The following TTC14 variants were observed in gnomAD, a reference collection of about 807,000 sequenced individuals.
TTC14 encodes tetratricopeptide repeat protein 14.
A neutral mutation model predicts 79.9 loss-of-function variants in TTC14; 63 were observed. That is an observed-to-expected ratio of 0.79 (90% CI 0.64 to 0.97). The LOEUF (loss-of-function observed/expected upper bound fraction) is 0.97, where lower values mean the gene tolerates loss of function less well. TTC14 is among the 50% of genes least tolerant of loss of function. TTC14 has a pLI of 0.00. For synonymous variants in TTC14, 335 were observed against 309.6 expected, an observed-to-expected ratio of 1.08 and a Z score of -0.86; for missense variants, 895 against 894.0, an observed-to-expected ratio of 1.00 and a Z score of -0.01.
In TTC14 at chr3:180,606,344, G is replaced by A. The variant is rs775132152; in HGVS notation, c.1021G>A (p.Val341Met). The change falls in exon 8 of 12, where the codon GTG becomes ATG. Residue 341 changes from valine (V) to methionine (M), a missense_variant. Transcript: ENST00000296015. The stretch of plus-strand genomic sequence containing the variant: ...AGCTTTGGAAATAGACAAACAAAAC[G>A]TGGAAGCTTTGGTAGCTCGTGGAGC... ...NKALEIDKQN[V>M]EALVARGALY... The A allele has an allele frequency of 8.6e-5, 138 of 1,613,962 alleles. No individual in the cohort carries two copies. The highest frequency in any genetic ancestry group is 1.0e-4 in the Non-Finnish European group (123 of 1,179,966).
Position 180,604,552 on chromosome 3 carries a change from C to CT in TTC14, c.647dup (p.Ser217IlefsTer4), listed in dbSNP as rs746193563. The CT allele has an allele frequency of 6.2e-7, 1 of 1,611,036 alleles. No individual in the cohort carries two copies. The highest frequency in any genetic ancestry group is 1.7e-5 in the Admixed American group (1 of 59,874). Reference sequence around the variant, plus strand: ...GTATAGCTCTTCTCTTCCACCACACCTATCTGGTATTAAATTAGGTGTAAT... The same window carrying CT: ...GTATAGCTCTTCTCTTCCACCACACCTTATCTGGTATTAAATTAGGTGTAAT... On this transcript the variant is annotated frameshift_variant, in exon 5 of 12. Transcript: ENST00000296015. LOFTEE classifies it high-confidence loss of function.
chr3:180,610,424 T>A lies in TTC14; in HGVS notation c.2195T>A (p.Leu732Gln), dbSNP rs1190754200. The A allele has an allele frequency of 1.2e-6, 2 of 1,613,666 alleles. No homozygotes were observed. The highest frequency in any genetic ancestry group is 1.7e-6 in the Non-Finnish European group (2 of 1,179,866). ...IKTEVPEEDA[L>Q]SSKEHSESSV... ...ACAGAGGTTCCAGAAGAAGATGCAC[T>A]AAGTAGCAAAGAACACTCAGAAAGC... The change falls in exon 12 of 12, where the codon CTA becomes CAA. Residue 732 changes from leucine (L) to glutamine (Q), a missense_variant. Leu to Gln is a moderately radical substitution (Grantham distance 113, BLOSUM62 -2). Coordinates refer to ENST00000296015, the MANE Select transcript of TTC14 (RefSeq NM_133462.4).
At chr3:180,604,668 A>T in intron 5 of TTC14, 61 bp downstream of exon 5, 1 of 1,526,176 alleles carries the variant, frequency 6.6e-7, no homozygotes, top group Non-Finnish European at 8.8e-7. Context: ...ATTGAGGAAT[A>T]CCACATTTTT....
At chr3:180,605,275 G>GT (rs919646630) in intron 6 of TTC14, 20 of 281,204 alleles carry the variant, frequency 7.1e-5, no homozygotes, top group Non-Finnish European at 1.2e-4. Context: ...GGGTTTTTTT[G>GT]TTTTTTGTTT....
Position 180,616,670 on chromosome 3 carries a change from C to T in TTC14, c.1775-710C>T, listed in dbSNP as rs61733583. The stretch of plus-strand genomic sequence containing the variant: ...TTCATCTTTTGTGTCTTTCAAAAGA[C>T]GGATTTCCTTTGTGAGTTTTGCACA... On this transcript the variant is annotated intron_variant, in intron 12 of 12. Transcript: ENST00000382584. 5.0e-3 allele frequency: 7,936 copies of T among 1,590,776 alleles called. 77 individuals carry two copies. Among genetic ancestry groups the T allele is most frequent in the East Asian group, 0.045 (1,986 of 44,278 alleles).
chr3:180,602,231 C>G lies in TTC14; in HGVS notation c.-31C>G. ...GACACGGAACAGGGAACTATCAGCC[C>G]GTCGGCCTCCGGGCCCTGCATTCTC... On this transcript the variant is annotated 5_prime_UTR_variant, in exon 1 of 12. Transcript: ENST00000296015. 4 of 1,610,722 alleles carry G rather than the reference C, an allele frequency of 2.5e-6. No individual in the cohort carries two copies. The highest frequency in any genetic ancestry group is 3.4e-6 in the Non-Finnish European group (4 of 1,178,408).
chr3:180,605,639 A>T, intron 6 of TTC14, 127 bp from the exon 7 acceptor site: 1 of 645,878 alleles, frequency 1.5e-6, no homozygotes, highest in Non-Finnish European at 2.6e-6. Flanking sequence ...TTTGGTATGT[A>T]AATAGAATGC....
chr3:180,606,234 T>G lies in TTC14; in HGVS notation c.930-19T>G, dbSNP rs774840354. On this transcript the variant is annotated intron_variant, in intron 7 of 11. Transcript: ENST00000296015. ...TATTGTTTGAAGTGTTTGTGATGCT[T>G]TACAAATGTCTTTTTTAGTGTGAAG... The G allele has an allele frequency of 3.1e-6, 5 of 1,612,896 alleles. 1 individual carries two copies. In the Admixed American group the frequency reaches 6.7e-5, roughly 22 times the overall value.
downstream of TTC14, among the ~76,000 whole-genome samples, chr3:180,612,893 A>G (rs539609139): frequency 6.6e-6 from 1 of 152,340 alleles, no homozygotes; most frequent in Admixed American, 6.5e-5. Context: ...AATTCAGCAA[A>G]CCAAATCACC....
At chr3:180,615,563 G>A (rs1303804593), downstream of TTC14, among the ~76,000 whole-genome samples, 1 of 152,036 alleles carries the variant, frequency 6.6e-6, no homozygotes, top group Non-Finnish European at 1.5e-5. Flanking sequence ...TTTTATGAAA[G>A]TACAGGGATG....
In TTC14 at chr3:180,607,718, T is replaced by G; in HGVS notation, c.1243T>G (p.Phe415Val). ...GAAAGCTTTGGCTTTGGATGAGACT[T>G]TTAAAGATGCAGAGGATGCTTTGCA... Reference protein sequence around the residue: ...YKKALALDETFKDAEDALQKL... With the variant: ...YKKALALDETVKDAEDALQKL... The change falls in exon 10 of 12, where the codon TTT (phenylalanine) becomes GTT (valine). Residue 415 changes from phenylalanine (F) to valine (V), a missense_variant. Coordinates refer to ENST00000296015, the MANE Select transcript of TTC14 (RefSeq NM_133462.4). The G allele has an allele frequency of 6.2e-7, 1 of 1,612,506 alleles. No individual in the cohort carries two copies. The highest frequency in any genetic ancestry group is 8.5e-7 in the Non-Finnish European group (1 of 1,179,306).
At chr3:180,605,218 C>T (rs1329362011) in intron 6 of TTC14, 2 of 398,562 alleles carry the variant, frequency 5.0e-6, no homozygotes, top group East Asian at 3.8e-5. Flanking sequence ...GAGAAGGATG[C>T]AGAAACTTTT....
chr3:180,611,032 T>C lies in TTC14; in HGVS notation c.*490T>C. On this transcript the variant is annotated 3_prime_UTR_variant, in exon 12 of 12. Coordinates refer to ENST00000296015, the MANE Select transcript of TTC14 (RefSeq NM_133462.4). Reference sequence around the variant, plus strand: ...TATATTTATCAGTTTAAATATTACATTTTTTGCCCAATTTTTTTTAAAATT... The same window carrying C: ...TATATTTATCAGTTTAAATATTACACTTTTTGCCCAATTTTTTTTAAAATT... 2 of 943,856 alleles carry C rather than the reference T, an allele frequency of 2.1e-6. No homozygotes were observed. The highest frequency in any genetic ancestry group is 2.5e-6 in the Non-Finnish European group (2 of 792,072). The allele number at this position is 943,856 out of a possible 1,614,324, so 58.5% of individuals were successfully genotyped here. A position where few individuals can be genotyped will look rare whatever the true frequency, so the allele number is the denominator to read the frequency against.
chr3:180,608,065 A>C, intron 10 of TTC14: 1 of 1,068,140 alleles, frequency 9.4e-7, no homozygotes, highest in Non-Finnish European at 1.1e-6. Context: ...ACTATAATTG[A>C]GCTAATTATA....
chr3:180,607,155 C>G (rs1716743544), intron 9 of TTC14, among the ~76,000 whole-genome samples: 1 of 152,146 alleles, frequency 6.6e-6, no homozygotes, highest in South Asian at 2.1e-4. Flanking sequence ...TTTGCAACAT[C>G]TTTTGACTGC....
chr3:180,604,415 A>AT (rs1716558993), intron 4 of TTC14, 63 bp from the exon 5 acceptor site: 1 of 1,550,218 alleles, frequency 6.5e-7, no homozygotes, highest in East Asian at 2.3e-5. Flanking sequence ...GAAAGTTTAT[A>AT]TTTTTTATGT....
At position 180,606,262 on chromosome 3, in the gene TTC14, C is replaced by A. The variant is rs201415238; in HGVS notation, c.939C>A (p.Ile313=). 1 of 1,613,802 alleles carries A rather than the reference C, an allele frequency of 6.2e-7. No individual in the cohort carries two copies. The highest frequency in any genetic ancestry group is 1.1e-5 in the South Asian group (1 of 91,048). ...CAAATGTCTTTTTTAGTGTGAAGAT[C>A]GGAGTTGACTATTTTAAAGTTGGAC... ...SASWALKCVK[I]GVDYFKVGRH... Residue 313 remains isoleucine (I), a synonymous_variant, in exon 8 of 12, where the codon ATC becomes ATA. Coordinates refer to ENST00000296015, the MANE Select transcript of TTC14 (RefSeq NM_133462.4).
intron 6 of TTC14, chr3:180,605,300 G>A (rs919250888): frequency 3.2e-5 from 7 of 217,378 alleles, no homozygotes; most frequent in Admixed American, 1.1e-4. Flanking sequence ...TTTTTGAGTC[G>A]GAGTCTCACT....
At chr3:180,607,574 GC>G in intron 9 of TTC14, 73 bp from the exon 10 acceptor site, 1 of 1,490,932 alleles carries the variant, frequency 6.7e-7, no homozygotes, top group Non-Finnish European at 8.9e-7. Context: ...TCTCATATAA[GC>G]CTTTGACCTG....
Sources: gnomAD v4.1 joint callset for allele counts (sites outside exome capture counted in the v4.1 genomes callset) on GRCh38, gnomAD v4.1.1 for gene constraint, MANE v1.5 for transcripts, NCBI Gene and HGNC (gene_info 2026-07-23, HGNC 2026-07-21) for gene names.